The following LAMA2 variants were observed in gnomAD, a reference collection of about 807,000 sequenced individuals.
LAMA2 encodes laminin subunit alpha 2.
Under a neutral mutation model 364.8 loss-of-function variants are expected in LAMA2, and 269 were observed. The ratio of observed to expected loss-of-function variants is 0.74; its 90% CI spans 0.67 to 0.82. The LOEUF (loss-of-function observed/expected upper bound fraction) is 0.82. Ranked by LOEUF, LAMA2 falls within the 40% of genes least tolerant of loss-of-function variation. LAMA2 has a pLI of 0.00. For missense variants in LAMA2, 3,807 were observed against 3,873.2 expected (o/e 0.98, Z 0.45); for synonymous variants, 1,379 against 1,370.6 (o/e 1.01, Z -0.14).
chr6:129,379,166 A>G (rs2114645981), intron 34 of LAMA2, among the ~76,000 whole-genome samples: 1 of 152,270 alleles, frequency 6.6e-6, no homozygotes, highest in South Asian at 2.1e-4. Context: ...GAGAACACAT[A>G]GACATGTAGA....
chr6:129,133,025 T>C (rs918223906), intron 4 of LAMA2, among the ~76,000 whole-genome samples: 3 of 152,112 alleles, frequency 2.0e-5, no homozygotes, highest in Non-Finnish European at 4.4e-5. Context: ...CATACGTACA[T>C]GCAATCACAC....
chr6:129,419,267 T>C (rs1383530680), intron 40 of LAMA2, among the ~76,000 whole-genome samples: 1 of 152,180 alleles, frequency 6.6e-6, no homozygotes, highest in Non-Finnish European at 1.5e-5. Context: ...GATCTAATTT[T>C]CTTCAAGACA....
Position 129,297,774 on chromosome 6 carries a change from T to TGGA in LAMA2, c.2947_2949dup (p.Gly983dup). 1 of 1,613,988 alleles carries TGGA rather than the reference T, an allele frequency of 6.2e-7. No homozygotes were observed. The highest frequency in any genetic ancestry group is 8.5e-7 in the Non-Finnish European group (1 of 1,179,966). ...CTAAGTCATTCGACTGTGAAGAGAG[T>TGGA]GGACAATGTTGGTGCCAACCTGGAG... is the stretch of plus-strand genomic sequence containing the variant. On this transcript the variant is annotated inframe_insertion, in exon 21 of 65. Transcript: ENST00000421865.
intron 56 of LAMA2, among the ~76,000 whole-genome samples, chr6:129,487,517 C>A (rs1784652713): frequency 6.6e-6 from 1 of 152,096 alleles, no homozygotes; most frequent in Non-Finnish European, 1.5e-5. Flanking sequence ...TTTGATGAGG[C>A]CTCAAAACAC....
rs9483009 is a variant in LAMA2, at chr6:129,355,013, T to C, written c.4717+1656T>C. On this transcript the variant is annotated intron_variant, in intron 32 of 64. Transcript: ENST00000421865. ...GCTTTATTCTTGCCCCACAAGGAAA[T>C]GTATTTACAGGGGTTATACATGGTA... Among the ~76,000 whole-genome samples the C allele has an allele frequency of 8.9e-3, 1,352 of 152,306 alleles. 21 individuals carry two copies. The highest frequency in any genetic ancestry group is 0.031 in the African/African-American group (1,300 of 41,586).
intron 22 of LAMA2, among the ~76,000 whole-genome samples, chr6:129,306,175 A>G (rs1773853911): frequency 6.6e-6 from 1 of 151,910 alleles, no homozygotes; most frequent in Non-Finnish European, 1.5e-5. Flanking sequence ...TTCCTTGTGT[A>G]TATCAATTTT....
rs961482051 is a variant in LAMA2 at position 129,037,470 on chromosome 6, A to G, written c.113-12448A>G. 2.6e-5 allele frequency among the ~76,000 whole-genome samples: 4 copies of G among 152,264 alleles called. No homozygotes were observed. In the South Asian group the frequency reaches 8.3e-4, roughly 32 times the overall value. On this transcript the variant is annotated intron_variant, in intron 1 of 64. Coordinates refer to ENST00000421865, the MANE Select transcript of LAMA2 (RefSeq NM_000426.4). ...CCATAGAAAGACTCCAGCTATCATC[A>G]GTTATCAATTACATTATTGGTGGTC...
chr6:129,258,600 C>T (rs776321826), intron 14 of LAMA2, among the ~76,000 whole-genome samples: 3 of 151,924 alleles, frequency 2.0e-5, no homozygotes, highest in African/African-American at 4.8e-5. Context: ...GTCGTAGTTG[C>T]ACAACATTGT....
At chr6:129,220,168 C>T (rs1783728205) in intron 12 of LAMA2, among the ~76,000 whole-genome samples, 2 of 152,038 alleles carry the variant, frequency 1.3e-5, no homozygotes, top group Non-Finnish European at 2.9e-5. Context: ...ATTTTTTGCA[C>T]AACTAAGTTG....
chr6:129,314,622 T>C, intron 23 of LAMA2, 33 bp from the exon 24 acceptor site: 1 of 1,611,278 alleles, frequency 6.2e-7, no homozygotes. Context: ...ACTTTGCCGT[T>C]ATAAACTCTG....
chr6:129,435,627 G>T (rs895413038), intron 41 of LAMA2, among the ~76,000 whole-genome samples: 14 of 152,216 alleles, frequency 9.2e-5, no homozygotes, highest in African/African-American at 3.4e-4. Context: ...GTGATGTCAG[G>T]TCTTTGGCTT....
At chr6:129,201,076 A>G (rs1039474267) in intron 12 of LAMA2, among the ~76,000 whole-genome samples, 2 of 152,236 alleles carry the variant, frequency 1.3e-5, no homozygotes, top group African/African-American at 2.4e-5. Context: ...CCTGAGGGGG[A>G]AAAAATGTGG....
chr6:128,961,532 A>T (rs1374132638), intron 1 of LAMA2, among the ~76,000 whole-genome samples: 1 of 149,716 alleles, frequency 6.7e-6, no homozygotes, highest in African/African-American at 2.5e-5. Flanking sequence ...AAAACTGAAG[A>T]ACTTGGAGTC....
intron 29 of LAMA2, among the ~76,000 whole-genome samples, chr6:129,338,362 A>G (rs1776073286): frequency 6.6e-6 from 1 of 152,362 alleles, no homozygotes; most frequent in Non-Finnish European, 1.5e-5. Context: ...ATTCATCAGC[A>G]TGACACCTTG....
chr6:129,341,262 C>A (rs1243166685), intron 29 of LAMA2, among the ~76,000 whole-genome samples: 3 of 152,154 alleles, frequency 2.0e-5, no homozygotes, highest in African/African-American at 7.2e-5. Context: ...TTCAAGCTGG[C>A]GGCTTCGTGG....
At chr6:129,059,968 G>A in intron 3 of LAMA2, 72 bp downstream of exon 3, 1 of 831,878 alleles carries the variant, frequency 1.2e-6, no homozygotes, top group Non-Finnish European at 2.1e-6. Flanking sequence ...TTTAGTTAGT[G>A]GTTTGTGGGT....
Position 129,342,343 on chromosome 6 carries a change from A to G in LAMA2, c.4312A>G (p.Asn1438Asp). 6.2e-7 allele frequency: 1 copy of G among 1,612,820 alleles called. No individual in the cohort carries two copies. Among genetic ancestry groups the G allele is most frequent in the East Asian group, 2.2e-5 (1 of 44,832 alleles). The change falls in exon 30 of 65, where the codon AAT becomes GAT. Residue 1438 changes from asparagine to aspartate, a missense_variant and splice_region_variant. By Grantham distance (23) the Asn-to-Asp change is conservative. Around this residue, in one of 3 missense-constraint regions of LAMA2, gnomAD observed 3,333 missense variants for 3,345.7 expected, o/e 1.00. Coordinates refer to ENST00000421865, the MANE Select transcript of LAMA2 (RefSeq NM_000426.4). ...ACTTCTTCTCCCTTTTCCTTTACAGAATTGTCAACATCACACTGCTGGTGA... is the reference window on the plus strand; with the variant it reads ...ACTTCTTCTCCCTTTTCCTTTACAGGATTGTCAACATCACACTGCTGGTGA... ...LCDPETSICQ[N>D]CQHHTAGDFC...
intron 40 of LAMA2, among the ~76,000 whole-genome samples, chr6:129,421,748 C>A (rs1278010571): frequency 6.6e-6 from 1 of 152,088 alleles, no homozygotes; most frequent in Non-Finnish European, 1.5e-5. Flanking sequence ...ATGCCATAAG[C>A]TCTTTACTTT....
chr6:129,227,202 C>A (rs1208550933), intron 12 of LAMA2, among the ~76,000 whole-genome samples: 1 of 152,160 alleles, frequency 6.6e-6, no homozygotes, highest in Non-Finnish European at 1.5e-5. Context: ...AAGGACTTCT[C>A]TACACTGGTT....
Sources: allele counts gnomAD v4.1 joint callset (sites outside exome capture counted in the v4.1 genomes callset), GRCh38; gene constraint gnomAD v4.1.1; regional missense constraint gnomAD v4.1.1; transcripts MANE v1.5; gene names NCBI Gene and HGNC (gene_info 2026-07-23, HGNC 2026-07-21).